Variants in NCK2 observed in about 807,000 individuals in gnomAD.
NCK2 encodes cytoplasmic protein NCK2.
A neutral mutation model predicts 33.9 loss-of-function variants in NCK2; 16 were observed. The ratio of observed to expected loss-of-function variants is 0.47; its 90% CI spans 0.32 to 0.72. NCK2 has a LOEUF of 0.72. Among genes scored for constraint, NCK2 ranks in the 30% least tolerant of loss-of-function variants. The pLI is 0.03. For missense variants in NCK2, 418 were observed against 537.3 expected, an observed-to-expected ratio of 0.78 and a Z score of 2.19; for synonymous variants, 273 against 239.9, an observed-to-expected ratio of 1.14 and a Z score of -1.27.
intron 1 of NCK2, among the ~76,000 whole-genome samples, chr2:105,808,648 G>A (rs770167261): frequency 5.9e-5 from 9 of 152,170 alleles, no homozygotes; most frequent in African/African-American, 9.7e-5. Context: ...ATCACCCAGC[G>A]TCTTCAGTGC....
Position 105,882,001 on chromosome 2 carries a change from C to T in NCK2, c.900C>T (p.Asn300=). 1 of 1,508,798 alleles carries T rather than the reference C, an allele frequency of 6.6e-7. No homozygotes were observed. 93.5% of individuals were successfully genotyped at this position (1,508,798 alleles called of 1,614,324 possible). The part of the protein sequence containing the change: ...VTRHQAECAL[N]ERGVEGDFLI... ...GGCACCAGGCCGAGTGCGCCCTCAACGAGCGGGGCGTGGAGGGCGACTTCC... is the reference window on the plus strand; with the variant it reads ...GGCACCAGGCCGAGTGCGCCCTCAATGAGCGGGGCGTGGAGGGCGACTTCC... Residue 300 remains asparagine, a synonymous_variant, in exon 4 of 5, where the codon AAC becomes AAT. Coordinates refer to ENST00000233154, the MANE Select transcript of NCK2 (RefSeq NM_003581.5).
In NCK2 at chr2:105,888,981, T is replaced by TAC. The variant is rs1261496998; in HGVS notation, c.949-4000_949-3999dup. 3.3e-5 allele frequency among the ~76,000 whole-genome samples: 5 copies of TAC among 152,378 alleles called. No homozygotes were observed. In the East Asian group the frequency reaches 7.7e-4, roughly 24 times the overall value. Reference sequence around the variant, plus strand: ...CTCTACCATACTATCAGTACTCTAGTACTTGTTGAGGAGCAAGTGTGGCAT... The same window carrying TAC: ...CTCTACCATACTATCAGTACTCTAGTACACTTGTTGAGGAGCAAGTGTGGCAT... On this transcript the variant is annotated intron_variant, in intron 4 of 4. Transcript: ENST00000233154.
chr2:105,857,421 C>G (rs770852493), intron 3 of NCK2, among the ~76,000 whole-genome samples: 2 of 152,262 alleles, frequency 1.3e-5, no homozygotes, highest in Non-Finnish European at 2.9e-5. Context: ...TTGGCGAAAA[C>G]AGATTGTTAG....
intron 3 of NCK2, among the ~76,000 whole-genome samples, chr2:105,875,315 CA>C (rs919262677): frequency 2.0e-5 from 3 of 152,182 alleles, no homozygotes; most frequent in Non-Finnish European, 2.9e-5. Flanking sequence ...CTGTGTAGAG[CA>C]AACAGAACAT....
intron 1 of NCK2, among the ~76,000 whole-genome samples, chr2:105,811,162 CAA>C (rs11358569): frequency 0.021 from 3,006 of 140,094 alleles, 35 homozygotes; most frequent in Non-Finnish European, 0.026. Flanking sequence ...TGACAGAGTG[CAA>C]AAAAAAAAAA....
chr2:105,877,655 T>C (rs189823255), intron 3 of NCK2, among the ~76,000 whole-genome samples: 1 of 151,810 alleles, frequency 6.6e-6, no homozygotes, highest in Admixed American at 6.6e-5. Context: ...GGGAGTGGAG[T>C]AGATTCTTGG....
chr2:105,878,191 A>G (rs1050169578), intron 3 of NCK2, among the ~76,000 whole-genome samples: 1 of 152,230 alleles, frequency 6.6e-6, no homozygotes, highest in African/African-American at 2.4e-5. Flanking sequence ...CAGCTTAGTT[A>G]ATAAGGGTAA....
intron 3 of NCK2, among the ~76,000 whole-genome samples, chr2:105,865,534 C>T (rs1240997922): frequency 2.6e-5 from 4 of 152,180 alleles, no homozygotes; most frequent in African/African-American, 9.7e-5. Context: ...AGGTTATTTG[C>T]TGCCCTTGCG....
intron 2 of NCK2, chr2:105,854,389 A>G (rs1453150867): frequency 6.6e-6 from 1 of 152,224 alleles, no homozygotes; most frequent in Non-Finnish European, 1.5e-5. Context: ...AAAAGTTCCC[A>G]GTATAGTACA....
chr2:105,820,386 T>C (rs1161985873), intron 2 of NCK2, among the ~76,000 whole-genome samples: 1 of 152,212 alleles, frequency 6.6e-6, no homozygotes, highest in Non-Finnish European at 1.5e-5. Context: ...CTTGGATGCA[T>C]TTCCCAGTTA....
intron 1 of NCK2, among the ~76,000 whole-genome samples, chr2:105,783,482 T>G (rs1690569606): frequency 6.6e-6 from 1 of 152,180 alleles, no homozygotes; most frequent in African/African-American, 2.4e-5. Context: ...GAGCCAGACT[T>G]AGCTCTTCAT....
chr2:105,809,939 G>T (rs191730882), intron 1 of NCK2, among the ~76,000 whole-genome samples: 2 of 152,314 alleles, frequency 1.3e-5, no homozygotes, highest in East Asian at 3.9e-4. Flanking sequence ...GGCAGGCAGG[G>T]AAGGGAGCGA....
chr2:105,852,786 TA>T (rs1422246117), intron 2 of NCK2, among the ~76,000 whole-genome samples: 1 of 152,190 alleles, frequency 6.6e-6, no homozygotes, highest in Non-Finnish European at 1.5e-5. Flanking sequence ...TAATCTGACA[TA>T]AAGCTCAGGT....
chr2:105,870,441 G>A (rs1342260036), intron 3 of NCK2, among the ~76,000 whole-genome samples: 1 of 152,244 alleles, frequency 6.6e-6, no homozygotes, highest in Admixed American at 6.5e-5. Flanking sequence ...GTTTCATTAT[G>A]GGGTATGCAT....
chr2:105,802,775 C>T (rs1176670246), intron 1 of NCK2, among the ~76,000 whole-genome samples: 1 of 152,182 alleles, frequency 6.6e-6, no homozygotes, highest in Non-Finnish European at 1.5e-5. Flanking sequence ...GATATTCAAA[C>T]GGTAGCAACA....
intron 1 of NCK2, among the ~76,000 whole-genome samples, chr2:105,779,306 CAAA>C (rs780590996): frequency 5.0e-5 from 6 of 119,558 alleles, no homozygotes; most frequent in South Asian, 2.8e-4. Context: ...GACTCCGTCT[CAAA>C]AAAAAAAAAA....
At chr2:105,830,699 G>GTGTA (rs1553458081) in intron 2 of NCK2, among the ~76,000 whole-genome samples, 5 of 151,324 alleles carry the variant, frequency 3.3e-5, no homozygotes, top group Admixed American at 1.3e-4. Context: ...GTGTGTGTGT[G>GTGTA]TGTGTGTGTG....
chr2:105,881,968 C>T lies in NCK2; in HGVS notation c.867C>T (p.Asn289=), dbSNP rs1383526320. The stretch of plus-strand genomic sequence containing the variant: ...CGGGCAGAGAGTGGTACTACGGGAA[C>T]GTGACGCGGCACCAGGCCGAGTGCG... ...RFAGREWYYG[N]VTRHQAECAL... is the part of the protein sequence containing the mutation. The change falls in exon 4 of 5, where the codon AAC becomes AAT. Residue 289 remains asparagine, a synonymous_variant. Coordinates refer to ENST00000233154, the MANE Select transcript of NCK2 (RefSeq NM_003581.5). 2.6e-6 allele frequency: 4 copies of T among 1,531,072 alleles called. No homozygotes were observed. The highest frequency in any genetic ancestry group is 2.3e-5 in the East Asian group (1 of 44,086). The allele number at this position is 1,531,072 out of a possible 1,614,324, so 94.8% of individuals were successfully genotyped here.
At position 105,748,283 on chromosome 2, in the gene NCK2, A is replaced by G. The variant is rs184379975; in HGVS notation, c.-201+3145A>G. ...GTCTCTTACTTCTTTTCTTCCCCAC[A>G]TCTTATCAACTCCAAACTAGAGGGG... On this transcript the variant is annotated intron_variant, in intron 1 of 4. Coordinates refer to ENST00000233154, the MANE Select transcript of NCK2 (RefSeq NM_003581.5). Among the ~76,000 whole-genome samples, 52 of 152,216 alleles carry G rather than the reference A, an allele frequency of 3.4e-4. No individual in the cohort carries two copies. In the East Asian group the frequency reaches 9.7e-3, roughly 28 times the overall value.
Sources: allele counts gnomAD v4.1 joint callset (sites outside exome capture counted in the v4.1 genomes callset), GRCh38; gene constraint gnomAD v4.1.1; transcripts MANE v1.5; gene names NCBI Gene and HGNC (gene_info 2026-07-23, HGNC 2026-07-21).